Variants in DDAH1 observed in about 807,000 individuals in gnomAD.
DDAH1 encodes N(G),N(G)-dimethylarginine dimethylaminohydrolase 1.
Under a neutral mutation model 28.8 loss-of-function variants are expected in DDAH1, and 19 were observed. The ratio of observed to expected loss-of-function variants is 0.66; its 90% CI spans 0.46 to 0.97. The LOEUF is 0.97. Ranked by LOEUF, DDAH1 falls within the 50% of genes least tolerant of loss-of-function variation. The pLI is 0.00. For synonymous variants in DDAH1, 153 were observed against 154.4 expected (o/e 0.99, Z 0.07); for missense variants, 326 against 375.9 (o/e 0.87, Z 1.10).
chr1:85,477,832 T>TA (rs1053976924), intron 2 of DDAH1, among the ~76,000 whole-genome samples: 2 of 152,040 alleles, frequency 1.3e-5, no homozygotes, highest in African/African-American at 2.4e-5. Flanking sequence ...TATGCATCAA[T>TA]AAAAAAATGC....
upstream of DDAH1, among the ~76,000 whole-genome samples, chr1:85,468,146 ACAACTC>A (rs1460074595): frequency 6.6e-6 from 1 of 152,244 alleles, no homozygotes; most frequent in Non-Finnish European, 1.5e-5. Context: ...CTGTAACAAA[ACAACTC>A]CAACACATAT....
At chr1:85,372,523 C>T (rs1246999001) in intron 1 of DDAH1, among the ~76,000 whole-genome samples, 1 of 152,026 alleles carries the variant, frequency 6.6e-6, no homozygotes, top group Non-Finnish European at 1.5e-5. Flanking sequence ...TGAGTTTTGC[C>T]TTTCCTAAAT....
chr1:85,424,171 C>A (rs527673667), intron 1 of DDAH1, among the ~76,000 whole-genome samples: 1 of 152,130 alleles, frequency 6.6e-6, no homozygotes, highest in Non-Finnish European at 1.5e-5. Context: ...GGCCTATAGG[C>A]CTTTCTTGTA....
intron 1 of DDAH1, among the ~76,000 whole-genome samples, chr1:85,391,035 C>T (rs1190516392): frequency 1.3e-5 from 2 of 152,106 alleles, no homozygotes; most frequent in East Asian, 3.9e-4. Context: ...TCTAAAATTG[C>T]TTTTTAAAAA....
chr1:85,327,658 A>C (rs1340341456), intron 4 of DDAH1, among the ~76,000 whole-genome samples: 1 of 152,168 alleles, frequency 6.6e-6, no homozygotes, highest in African/African-American at 2.4e-5. Context: ...TCAGCCACAC[A>C]CTAATTGTGT....
intron 1 of DDAH1, among the ~76,000 whole-genome samples, chr1:85,409,407 C>T (rs1027225349): frequency 2.0e-5 from 3 of 152,184 alleles, no homozygotes; most frequent in Admixed American, 2.0e-4. Flanking sequence ...ATTATTTTCC[C>T]TTAAATGACA....
intron 1 of DDAH1, chr1:85,379,682 C>T: frequency 4.1e-6 from 4 of 985,374 alleles, no homozygotes; most frequent in Non-Finnish European, 3.6e-6. Flanking sequence ...ATTTGTTGAC[C>T]TTATATTCAC....
chr1:85,416,926 C>T (rs981733744), intron 1 of DDAH1, among the ~76,000 whole-genome samples: 3 of 152,032 alleles, frequency 2.0e-5, no homozygotes, highest in African/African-American at 7.3e-5. Context: ...CATTGGCCTC[C>T]CAAATAGGTG....
intron 1 of DDAH1, among the ~76,000 whole-genome samples, chr1:85,396,474 C>T (rs529839381): frequency 5.9e-5 from 9 of 152,174 alleles, no homozygotes; most frequent in African/African-American, 2.2e-4. Context: ...GAAACTCACT[C>T]ATCGCAAAGA....
At chr1:85,566,086 A>AC (rs552025080) in intron 1 of DDAH1, among the ~76,000 whole-genome samples, 282 of 151,692 alleles carry the variant, frequency 1.9e-3, no homozygotes, top group African/African-American at 6.4e-3. Flanking sequence ...TGTCTCAAAA[A>AC]AAAAAACAAC....
chr1:85,338,673 A>G (rs1353257312), intron 4 of DDAH1, among the ~76,000 whole-genome samples: 1 of 152,170 alleles, frequency 6.6e-6, no homozygotes, highest in Admixed American at 6.6e-5. Context: ...AATGGGATGT[A>G]CATTTTAAGT....
At chr1:85,523,469 G>T (rs1273808041) in intron 1 of DDAH1, among the ~76,000 whole-genome samples, 1 of 152,118 alleles carries the variant, frequency 6.6e-6, no homozygotes, top group Admixed American at 6.5e-5. Context: ...ACTAATTCTG[G>T]TATTTGCTTA....
At chr1:85,405,044 C>G (rs1652342386) in intron 1 of DDAH1, among the ~76,000 whole-genome samples, 1 of 152,138 alleles carries the variant, frequency 6.6e-6, no homozygotes, top group Non-Finnish European at 1.5e-5. Context: ...CAAGGATAGA[C>G]ATGTTATTTT....
At chr1:85,512,893 A>G (rs1408557246) in intron 1 of DDAH1, among the ~76,000 whole-genome samples, 1 of 152,238 alleles carries the variant, frequency 6.6e-6, no homozygotes, top group Non-Finnish European at 1.5e-5. Context: ...CATGGATAGG[A>G]AGAATCAATA....
intron 1 of DDAH1, among the ~76,000 whole-genome samples, chr1:85,370,589 C>G (rs369866474): frequency 5.1e-4 from 59 of 114,876 alleles, no homozygotes; most frequent in African/African-American, 1.9e-3. Context: ...TAAAAAGCAA[C>G]TGCAGTAGTC....
intron 1 of DDAH1, among the ~76,000 whole-genome samples, chr1:85,547,597 A>T (rs1658665305): frequency 6.6e-6 from 1 of 152,208 alleles, no homozygotes; most frequent in Non-Finnish European, 1.5e-5. Flanking sequence ...CTATGACTGC[A>T]TTCCATCAAC....
intron 1 of DDAH1, among the ~76,000 whole-genome samples, chr1:85,395,797 G>T (rs1308861357): frequency 1.3e-5 from 2 of 152,040 alleles, no homozygotes; most frequent in Non-Finnish European, 2.9e-5. Context: ...TGATCAAGTT[G>T]GCTAAAATTA....
intron 1 of DDAH1, among the ~76,000 whole-genome samples, chr1:85,556,367 T>C (rs1002372658): frequency 6.6e-6 from 1 of 152,228 alleles, no homozygotes; most frequent in South Asian, 2.1e-4. Flanking sequence ...GATTAATGTA[T>C]GAGGTAGATC....
chr1:85,408,955 C>T (rs1652526236), intron 1 of DDAH1, among the ~76,000 whole-genome samples: 1 of 152,132 alleles, frequency 6.6e-6, no homozygotes, highest in African/African-American at 2.4e-5. Flanking sequence ...ATGGGGGTAA[C>T]AGTCTAACTC....
Sources: gnomAD v4.1 joint callset for allele counts (sites outside exome capture counted in the v4.1 genomes callset) on GRCh38, gnomAD v4.1.1 for gene constraint, MANE v1.5 for transcripts, NCBI Gene and HGNC (gene_info 2026-07-23, HGNC 2026-07-21) for gene names.